DLGAP2: variants seen among roughly 807,000 people sequenced by gnomAD.
DLGAP2 encodes the protein disks large-associated protein 2.
DLGAP2 carries 26 observed loss-of-function variants against 100.3 expected under a neutral mutation model. The observed-to-expected ratio is 0.26, with a 90% CI of 0.19 to 0.36. The LOEUF (loss-of-function observed/expected upper bound fraction) is 0.36. DLGAP2 is among the 10% of genes least tolerant of loss of function. The probability of loss-of-function intolerance (pLI) is 1.00; values close to 1 mark genes in which losing one functional copy is unlikely to be tolerated. For missense variants in DLGAP2, 1,858 were observed against 1,453.2 expected (o/e 1.28, Z -4.53); for synonymous variants, 886 against 630.1 (o/e 1.41, Z -6.08).
At chr8:1,101,680 C>T (rs529247500) in intron 2 of DLGAP2, among the ~76,000 whole-genome samples, 5 of 150,040 alleles carry the variant, frequency 3.3e-5, no homozygotes, top group South Asian at 2.2e-4. Context: ...GAGCCGAACA[C>T]GACACGACGA....
intron 2 of DLGAP2, among the ~76,000 whole-genome samples, chr8:916,386 A>G (rs1472518104): frequency 1.3e-5 from 2 of 152,236 alleles, no homozygotes; most frequent in Non-Finnish European, 2.9e-5. Context: ...AGGGACGTGG[A>G]TGAAGCTGGA....
chr8:839,422 G>A (rs1796941026), intron 1 of DLGAP2, among the ~76,000 whole-genome samples: 1 of 152,216 alleles, frequency 6.6e-6, no homozygotes, highest in African/African-American at 2.4e-5. Context: ...AGACATTTCT[G>A]TCATTTGGAG....
Position 1,411,609 on chromosome 8 carries a change from C to T in DLGAP2, c.107-89757C>T, listed in dbSNP as rs142042532. On this transcript the variant is annotated intron_variant, in intron 3 of 14. Coordinates refer to ENST00000637795, the MANE Select transcript of DLGAP2 (RefSeq NM_001346810.2). ...ACCTGCAGGTGGTAGACTTGAGGGCCTCGTGCTCCTCCTGGCCTGGTTTAT... is the reference window on the plus strand; with the variant it reads ...ACCTGCAGGTGGTAGACTTGAGGGCTTCGTGCTCCTCCTGGCCTGGTTTAT... Among the ~76,000 whole-genome samples the T allele has an allele frequency of 5.1e-3, 770 of 152,316 alleles. 5 individuals carry two copies. The highest frequency in any genetic ancestry group is 0.018 in the African/African-American group (741 of 41,584).
intron 2 of DLGAP2, among the ~76,000 whole-genome samples, chr8:1,026,473 G>A (rs964007441): frequency 2.0e-5 from 3 of 152,262 alleles, no homozygotes; most frequent in Non-Finnish European, 2.9e-5. Flanking sequence ...TGCCTGCTCC[G>A]ACCTGCTCCT....
chr8:1,009,224 C>A (rs1801208444), intron 2 of DLGAP2, among the ~76,000 whole-genome samples: 1 of 152,224 alleles, frequency 6.6e-6, no homozygotes, highest in African/African-American at 2.4e-5. Flanking sequence ...CCAAAACTCT[C>A]CTTCCTCCCC....
At position 896,748 on chromosome 8, in the gene DLGAP2, G is replaced by A. The variant is rs757472456; in HGVS notation, c.19-11164G>A. ...CTCACCAGACACTGCCGTCACCTCC[G>A]CGCTGGACCTGCAGCCTCCAGAACT... On this transcript the variant is annotated intron_variant, in intron 1 of 14. Coordinates refer to ENST00000637795, the MANE Select transcript of DLGAP2 (RefSeq NM_001346810.2). Among the ~76,000 whole-genome samples the A allele has an allele frequency of 3.3e-5, 5 of 152,248 alleles. No homozygotes were observed. The South Asian group carries it at 6.2e-4, about 19-fold the overall frequency.
chr8:768,648 C>A (rs529720305), intron 1 of DLGAP2, among the ~76,000 whole-genome samples: 465 of 151,678 alleles, frequency 3.1e-3, no homozygotes, highest in Non-Finnish European at 5.4e-3. Flanking sequence ...ATGGTCTTGA[C>A]CTCCTGACCT....
chr8:798,402 C>T (rs1284140925), intron 1 of DLGAP2, among the ~76,000 whole-genome samples: 35 of 149,146 alleles, frequency 2.3e-4, no homozygotes, highest in Non-Finnish European at 5.1e-4. Context: ...GTGCCTGCTT[C>T]CGTTGGCACT....
At chr8:1,175,300 A>G (rs762911318) in intron 2 of DLGAP2, among the ~76,000 whole-genome samples, 17 of 152,160 alleles carry the variant, frequency 1.1e-4, no homozygotes, top group Non-Finnish European at 1.9e-4. Context: ...TTTCATGGGG[A>G]AGATCAATAC....
At chr8:1,486,223 A>G (rs780231910) in intron 3 of DLGAP2, among the ~76,000 whole-genome samples, 1 of 152,162 alleles carries the variant, frequency 6.6e-6, no homozygotes, top group Non-Finnish European at 1.5e-5. Flanking sequence ...GCCCCAGATC[A>G]TAAGAGCCAG....
intron 3 of DLGAP2, among the ~76,000 whole-genome samples, chr8:1,435,721 G>A (rs773994366): frequency 4.0e-5 from 6 of 151,794 alleles, no homozygotes; most frequent in African/African-American, 9.7e-5. Flanking sequence ...GTGGTCGTAG[G>A]CGATGGCAGC....
intron 2 of DLGAP2, among the ~76,000 whole-genome samples, chr8:975,928 C>T (rs1039394365): frequency 2.6e-5 from 4 of 151,732 alleles, no homozygotes; most frequent in South Asian, 2.1e-4. Context: ...TCACAGATGA[C>T]GTTGTCTGTG....
At chr8:1,032,854 T>G (rs942976707) in intron 2 of DLGAP2, 2 of 152,212 alleles carry the variant, frequency 1.3e-5, no homozygotes, top group Non-Finnish European at 2.9e-5. Context: ...ACGTTAAAGA[T>G]GGACAAAAGA....
intron 3 of DLGAP2, among the ~76,000 whole-genome samples, chr8:1,489,468 C>T (rs937390334): frequency 6.6e-6 from 1 of 152,200 alleles, no homozygotes; most frequent in African/African-American, 2.4e-5. Flanking sequence ...AGGAAGGAAG[C>T]TGTACGTCTT....
chr8:1,042,653 G>C (rs1325257667), intron 2 of DLGAP2, among the ~76,000 whole-genome samples: 1 of 152,176 alleles, frequency 6.6e-6, no homozygotes, highest in East Asian at 1.9e-4. Flanking sequence ...TCCATCCTCT[G>C]GGAAGTCCTG....
At chr8:1,060,401 C>T (rs956641722) in intron 2 of DLGAP2, among the ~76,000 whole-genome samples, 5 of 82,098 alleles carry the variant, frequency 6.1e-5, no homozygotes, top group Non-Finnish European at 1.2e-4. Flanking sequence ...GCCCTGAGGG[C>T]GTTGGTCCCT....
intron 2 of DLGAP2, among the ~76,000 whole-genome samples, chr8:1,191,103 C>T (rs965478629): frequency 1.4e-4 from 21 of 151,972 alleles, no homozygotes; most frequent in Admixed American, 3.9e-4. Flanking sequence ...GATTTATTTA[C>T]GTGGGATGTC....
chr8:777,508 T>G, intron 1 of DLGAP2, among the ~76,000 whole-genome samples: 1 of 151,926 alleles, frequency 6.6e-6, no homozygotes, highest in East Asian at 1.9e-4. Flanking sequence ...CTTTCCATGT[T>G]TAGCGCTTCC....
intron 4 of DLGAP2, among the ~76,000 whole-genome samples, chr8:1,547,621 C>T (rs1801586031): frequency 6.6e-6 from 1 of 152,132 alleles, no homozygotes; most frequent in Non-Finnish European, 1.5e-5. Context: ...ACCCCAGCGC[C>T]CAGCCGCCTT....
Sources: allele counts gnomAD v4.1 joint callset (sites outside exome capture counted in the v4.1 genomes callset), GRCh38; gene constraint gnomAD v4.1.1; transcripts MANE v1.5; gene names NCBI Gene and HGNC (gene_info 2026-07-23, HGNC 2026-07-21).